NRDE2: variants seen among roughly 807,000 people sequenced by gnomAD.
The protein encoded by NRDE2 is nuclear exosome regulator NRDE2.
A neutral mutation model predicts 124.2 loss-of-function variants in NRDE2; 76 were observed. That is an observed-to-expected ratio of 0.61 (90% CI 0.51 to 0.74). The LOEUF is 0.74. NRDE2 is among the 30% of genes least tolerant of loss of function. NRDE2 has a pLI of 0.00. For synonymous variants in NRDE2, 489 were observed against 528.1 expected, an observed-to-expected ratio of 0.93 and a Z score of 1.01; for missense variants, 1,314 against 1,417.3, an observed-to-expected ratio of 0.93 and a Z score of 1.17.
At chr14:90,317,912 C>G in intron 2 of NRDE2, 93 bp downstream of exon 2, 1 of 843,144 alleles carries the variant, frequency 1.2e-6, no homozygotes, top group South Asian at 1.7e-5. Flanking sequence ...TTACATACCT[C>G]TTTTATTAGA....
At chr14:90,285,693 T>A (rs1034221953) in intron 12 of NRDE2, among the ~76,000 whole-genome samples, 5 of 152,138 alleles carry the variant, frequency 3.3e-5, no homozygotes, top group African/African-American at 4.8e-5. Context: ...AGTGCAGTGG[T>A]GTGATCATAG....
At chr14:90,331,710 G>T in intron 1 of NRDE2, 131 bp downstream of exon 1, 1 of 1,023,786 alleles carries the variant, frequency 9.8e-7, no homozygotes, top group Non-Finnish European at 1.5e-6. Flanking sequence ...TTCCCAGAAG[G>T]CTTTGCAGCG....
chr14:90,311,481 T>A (rs903782960), intron 4 of NRDE2, among the ~76,000 whole-genome samples: 4 of 152,158 alleles, frequency 2.6e-5, no homozygotes, highest in African/African-American at 4.8e-5. Flanking sequence ...ATCTGATGGT[T>A]TTATAAAGGG....
In NRDE2 at chr14:90,290,211, C is replaced by A; in HGVS notation, c.2229+10G>T. 6.2e-7 allele frequency: 1 copy of A among 1,607,874 alleles called. No homozygotes were observed. Among genetic ancestry groups the A allele is most frequent in the Non-Finnish European group, 8.5e-7 (1 of 1,175,432 alleles). On this transcript the variant is annotated intron_variant, in intron 10 of 13. Coordinates refer to ENST00000354366, the MANE Select transcript of NRDE2 (RefSeq NM_017970.4). The stretch of plus-strand genomic sequence containing the variant: ...AGTCCCCAAACATGGGAGGACGAGT[C>A]TGGAATTACCTTTGCAATCTCATAC...
At position 90,302,741 on chromosome 14, in the gene NRDE2, C is replaced by A; in HGVS notation, c.1390G>T (p.Gly464Cys). ...TTACCAAACATGGCCTCTTCCGTGC[C>A]AGGCAACGCAGGGTGAGATAAGATG... is the stretch of plus-strand genomic sequence containing the variant. The part of the protein sequence containing the change: ...GSILSHPALP[G>C]TEEAMFALFL... The change falls in exon 6 of 14, where the codon GGC (glycine) becomes TGC (cysteine). Residue 464 changes from glycine to cysteine, a missense_variant. Coordinates refer to ENST00000354366, the MANE Select transcript of NRDE2 (RefSeq NM_017970.4). 6.2e-7 allele frequency: 1 copy of A among 1,610,334 alleles called. No individual in the cohort carries two copies. Among genetic ancestry groups the A allele is most frequent in the South Asian group, 1.1e-5 (1 of 90,678 alleles).
chr14:90,298,464 A>C (rs1486490448), intron 7 of NRDE2, 84 bp from the exon 8 acceptor site: 1 of 1,344,340 alleles, frequency 7.4e-7, no homozygotes, highest in African/African-American at 1.4e-5. Flanking sequence ...GGTGGATATA[A>C]GAGAAGCTTA....
chr14:90,282,531 C>T (rs539961989), intron 12 of NRDE2, among the ~76,000 whole-genome samples: 7 of 151,682 alleles, frequency 4.6e-5, no homozygotes, highest in African/African-American at 1.7e-4. Context: ...ATATGCAAAA[C>T]AGCGCATTTG....
At chr14:90,297,893 A>T (rs1457200712) in intron 8 of NRDE2, among the ~76,000 whole-genome samples, 1 of 149,892 alleles carries the variant, frequency 6.7e-6, no homozygotes, top group African/African-American at 2.5e-5. Context: ...GTGAGCTGAG[A>T]TCCTGCCACT....
At chr14:90,283,636 G>A (rs1182403630) in intron 12 of NRDE2, among the ~76,000 whole-genome samples, 1 of 151,884 alleles carries the variant, frequency 6.6e-6, no homozygotes, top group East Asian at 1.9e-4. Context: ...TCACACACGA[G>A]TCAAACCATA....
chr14:90,298,321 G>A lies in NRDE2; in HGVS notation c.1605C>T (p.Ala535=). ...GGTGCATCCACGCCTTCCAGCCTCG[G>A]GCTCCCTTCTCCCCAGCCCGGGGCT... ...SGEPRAGEKG[A]RGWKAWMHQQ... is the part of the protein sequence containing the mutation. Residue 535 remains alanine (A), a synonymous_variant, in exon 8 of 14, where the codon GCC becomes GCT. Transcript: ENST00000354366. The A allele has an allele frequency of 6.2e-7, 1 of 1,613,678 alleles. No individual in the cohort carries two copies. Among genetic ancestry groups the A allele is most frequent in the Non-Finnish European group, 8.5e-7 (1 of 1,179,972 alleles).
At chr14:90,301,999 A>G (rs1241211069) in intron 6 of NRDE2, among the ~76,000 whole-genome samples, 1 of 152,164 alleles carries the variant, frequency 6.6e-6, no homozygotes, top group Non-Finnish European at 1.5e-5. Flanking sequence ...AGTAATTAAT[A>G]CTCAATAACA....
At chr14:90,278,978 G>A in intron 13 of NRDE2, 84 bp downstream of exon 13, 1 of 957,794 alleles carries the variant, frequency 1.0e-6, no homozygotes, top group Non-Finnish European at 1.7e-6. Flanking sequence ...GGTGCCGCGG[G>A]GCAGGCCGGG....
At chr14:90,309,579 C>G (rs970619698) in intron 4 of NRDE2, among the ~76,000 whole-genome samples, 1 of 152,068 alleles carries the variant, frequency 6.6e-6, no homozygotes, top group Non-Finnish European at 1.5e-5. Flanking sequence ...TTACTCTCTT[C>G]CTATAAAACA....
intron 3 of NRDE2, among the ~76,000 whole-genome samples, chr14:90,316,371 C>T (rs906410873): frequency 6.6e-6 from 1 of 152,228 alleles, no homozygotes; most frequent in Non-Finnish European, 1.5e-5. Flanking sequence ...AAGAGATTCA[C>T]ACAATCATTA....
At chr14:90,284,919 T>C (rs912375813) in intron 12 of NRDE2, among the ~76,000 whole-genome samples, 6 of 152,118 alleles carry the variant, frequency 3.9e-5, no homozygotes, top group South Asian at 2.1e-4. Context: ...ATTCACAAAA[T>C]TGAACGGTGT....
chr14:90,320,728 A>G (rs1885211957), intron 1 of NRDE2, among the ~76,000 whole-genome samples: 1 of 152,260 alleles, frequency 6.6e-6, no homozygotes, highest in Non-Finnish European at 1.5e-5. Flanking sequence ...AAGAAGTGAC[A>G]GGTTCCAACT....
At chr14:90,320,171 C>T (rs139433842) in intron 1 of NRDE2, among the ~76,000 whole-genome samples, 14 of 152,206 alleles carry the variant, frequency 9.2e-5, no homozygotes, top group African/African-American at 2.4e-4. Flanking sequence ...TGTATTAGTC[C>T]GTTCTCACAC....
At chr14:90,284,566 G>A (rs1445584308) in intron 12 of NRDE2, among the ~76,000 whole-genome samples, 6 of 151,834 alleles carry the variant, frequency 4.0e-5, no homozygotes, top group East Asian at 1.9e-4. Context: ...ACGGGGTTTC[G>A]CCATGTCGGC....
intron 4 of NRDE2, among the ~76,000 whole-genome samples, chr14:90,305,023 T>C (rs1312190496): frequency 6.6e-6 from 1 of 152,224 alleles, no homozygotes; most frequent in East Asian, 1.9e-4. Context: ...TACTGAATAT[T>C]TGCACAGGCA....
Sources: gnomAD v4.1 joint callset for allele counts (sites outside exome capture counted in the v4.1 genomes callset) on GRCh38, gnomAD v4.1.1 for gene constraint, MANE v1.5 for transcripts, NCBI Gene and HGNC (gene_info 2026-07-23, HGNC 2026-07-21) for gene names.